The following WWOX variants were observed in gnomAD, a reference collection of about 807,000 sequenced individuals.
The protein encoded by WWOX is WW domain containing oxidoreductase.
A neutral mutation model predicts 46.2 loss-of-function variants in WWOX; 69 were observed. The observed-to-expected ratio is 1.49, with a 90% CI of 1.23 to 1.82. The LOEUF (loss-of-function observed/expected upper bound fraction) is 1.82, where lower values mean the gene tolerates loss of function less well. Among genes scored for constraint, WWOX ranks in the 40% most tolerant of loss-of-function variants. The pLI is 0.00. For missense variants in WWOX, 919 were observed against 542.6 expected (o/e 1.69, Z -6.89); for synonymous variants, 359 against 202.6 (o/e 1.77, Z -6.56).
intron 5 of WWOX, among the ~76,000 whole-genome samples, chr16:78,287,673 A>T (rs1228699360): frequency 1.3e-5 from 2 of 152,202 alleles, no homozygotes; most frequent in East Asian, 3.8e-4. Context: ...GAAGGAAAGG[A>T]CGGAGACCAG....
At chr16:79,086,897 C>G (rs976137239) in intron 8 of WWOX, among the ~76,000 whole-genome samples, 5 of 152,188 alleles carry the variant, frequency 3.3e-5, no homozygotes, top group Admixed American at 3.3e-4. Flanking sequence ...CAAAATAAAA[C>G]AAAGAGTTTA....
chr16:79,135,990 A>G (rs1430288058), intron 8 of WWOX, among the ~76,000 whole-genome samples: 1 of 152,134 alleles, frequency 6.6e-6, no homozygotes, highest in Non-Finnish European at 1.5e-5. Context: ...AAATATTTTA[A>G]TGTTTGTCGT....
At chr16:79,175,719 G>C (rs901093205) in intron 8 of WWOX, among the ~76,000 whole-genome samples, 1 of 152,132 alleles carries the variant, frequency 6.6e-6, no homozygotes, top group African/African-American at 2.4e-5. Context: ...TCCTGGCACC[G>C]ATGTTTAACA....
chr16:78,681,713 T>C (rs909956584), intron 8 of WWOX, among the ~76,000 whole-genome samples: 3 of 152,300 alleles, frequency 2.0e-5, no homozygotes, highest in African/African-American at 7.2e-5. Context: ...CTTCGTTAAT[T>C]ACCTGAAGTG....
intron 8 of WWOX, among the ~76,000 whole-genome samples, chr16:78,455,182 T>C (rs961012381): frequency 2.0e-5 from 3 of 152,138 alleles, no homozygotes; most frequent in Non-Finnish European, 2.9e-5. Context: ...ATGACGTCTT[T>C]ACTGAGACTT....
chr16:78,334,317 C>T (rs370594459), intron 5 of WWOX, among the ~76,000 whole-genome samples: 5 of 152,152 alleles, frequency 3.3e-5, no homozygotes, highest in Admixed American at 2.0e-4. Flanking sequence ...TTGAATGCAA[C>T]ATGAATCATT....
chr16:78,345,248 T>A (rs1241675601), intron 5 of WWOX, among the ~76,000 whole-genome samples: 1 of 115,074 alleles, frequency 8.7e-6, no homozygotes, highest in Non-Finnish European at 2.1e-5. Flanking sequence ...GGACATCGTA[T>A]TCCTCATCTA....
intron 8 of WWOX, among the ~76,000 whole-genome samples, chr16:78,871,353 C>T (rs2737278): frequency 0.32 from 48,240 of 151,978 alleles, 8,219 homozygotes; most frequent in East Asian, 0.48. Context: ...TGAACTTGAG[C>T]CTCGATGCCT....
chr16:78,288,773 C>A (rs1257157163), intron 5 of WWOX, among the ~76,000 whole-genome samples: 3 of 152,122 alleles, frequency 2.0e-5, no homozygotes, highest in Admixed American at 1.3e-4. Flanking sequence ...AATTTATAGG[C>A]CCAGTCAGCG....
chr16:78,300,547 C>A (rs2080021967), intron 5 of WWOX, among the ~76,000 whole-genome samples: 1 of 151,758 alleles, frequency 6.6e-6, no homozygotes, highest in Non-Finnish European at 1.5e-5. Flanking sequence ...CCCCTGTCTC[C>A]TTCTCTCCCT....
At position 78,133,926 on chromosome 16, in the gene WWOX, C is replaced by T. The variant is rs141795407; in HGVS notation, c.409+18772C>T. 9.4e-4 allele frequency among the ~76,000 whole-genome samples: 143 copies of T among 152,302 alleles called. 2 individuals are homozygous for T. Among genetic ancestry groups the T allele is most frequent in the Admixed American group, 8.0e-3 (122 of 15,294 alleles). On this transcript the variant is annotated intron_variant, in intron 4 of 8. Transcript: ENST00000566780. ...AAATAAGTGATTCCAAATTTACAGTCAATGGACTGTAGATGCCTTCCATCT... is the reference window on the plus strand; with the variant it reads ...AAATAAGTGATTCCAAATTTACAGTTAATGGACTGTAGATGCCTTCCATCT...
At chr16:78,128,218 G>A (rs2033441362) in intron 4 of WWOX, among the ~76,000 whole-genome samples, 1 of 152,118 alleles carries the variant, frequency 6.6e-6, no homozygotes, top group Admixed American at 6.5e-5. Context: ...AGGATATGGG[G>A]AGAGGTTTCT....
chr16:79,050,948 C>G (rs1270232789), intron 8 of WWOX, among the ~76,000 whole-genome samples: 1 of 152,208 alleles, frequency 6.6e-6, no homozygotes, highest in Non-Finnish European at 1.5e-5. Flanking sequence ...GAAATTACAG[C>G]CCAGATTAGC....
At chr16:78,838,582 C>A (rs891341546) in intron 8 of WWOX, among the ~76,000 whole-genome samples, 1 of 152,156 alleles carries the variant, frequency 6.6e-6, no homozygotes. Flanking sequence ...TGGCTCACTC[C>A]TGTAATCCCA....
intron 8 of WWOX, among the ~76,000 whole-genome samples, chr16:78,964,452 T>A (rs1222223310): frequency 6.6e-6 from 1 of 152,204 alleles, no homozygotes; most frequent in Non-Finnish European, 1.5e-5. Flanking sequence ...TGTGGAACTT[T>A]GAACTTGAGA....
At position 78,706,140 on chromosome 16, in the gene WWOX, T is replaced by G. The variant is rs559744168; in HGVS notation, c.1056+273388T>G. 2.7e-5 allele frequency among the ~76,000 whole-genome samples: 4 copies of G among 150,464 alleles called. No homozygotes were observed. The South Asian group carries it at 8.6e-4, about 32-fold the overall frequency. On this transcript the variant is annotated intron_variant, in intron 8 of 8. Coordinates refer to ENST00000566780, the MANE Select transcript of WWOX (RefSeq NM_016373.4). ...CACAGCATGTTTATAAAAATCATTC[T>G]TAATTAAGGCATTTCCATCTTATCA...
chr16:78,814,458 G>C (rs1367525398), intron 8 of WWOX, among the ~76,000 whole-genome samples: 1 of 151,118 alleles, frequency 6.6e-6, no homozygotes, highest in East Asian at 1.9e-4. Context: ...AAACTACCAA[G>C]AAGCCTCTCT....
chr16:78,849,298 C>T lies in WWOX; in HGVS notation c.1057-362310C>T, dbSNP rs141606482. 1.1e-3 allele frequency among the ~76,000 whole-genome samples: 161 copies of T among 152,100 alleles called. 1 individual carries two copies. The highest frequency in any genetic ancestry group is 0.01 in the Middle Eastern group (3 of 294). On this transcript the variant is annotated intron_variant, in intron 8 of 8. Coordinates refer to ENST00000566780, the MANE Select transcript of WWOX (RefSeq NM_016373.4). ...AAAAAACACAACGACAGGCCGGGCG[C>T]GGTGGCTCATGCCTGTAATCCCAGC...
At chr16:79,117,865 C>T (rs947664949) in intron 8 of WWOX, among the ~76,000 whole-genome samples, 1 of 152,206 alleles carries the variant, frequency 6.6e-6, no homozygotes, top group Non-Finnish European at 1.5e-5. Flanking sequence ...AGAGTGAGGG[C>T]CTTGCTCTGG....
Sources: allele counts gnomAD v4.1 joint callset (sites outside exome capture counted in the v4.1 genomes callset), GRCh38; gene constraint gnomAD v4.1.1; transcripts MANE v1.5; gene names NCBI Gene and HGNC (gene_info 2026-07-23, HGNC 2026-07-21).